The following NOL4 variants were observed in gnomAD, a reference collection of about 807,000 sequenced individuals.
NOL4 encodes the protein cancer/testis antigen 125.
A neutral mutation model predicts 75.9 loss-of-function variants in NOL4; 17 were observed. The ratio of observed to expected loss-of-function variants is 0.22; its 90% CI spans 0.15 to 0.34. The LOEUF (loss-of-function observed/expected upper bound fraction) is 0.34, where lower values mean the gene tolerates loss of function less well. NOL4 is among the 10% of genes least tolerant of loss of function. The probability of loss-of-function intolerance (pLI) is 1.00; values close to 1 mark genes in which losing one functional copy is unlikely to be tolerated. For missense variants in NOL4, 614 were observed against 793.5 expected, an observed-to-expected ratio of 0.77 and a Z score of 2.72; for synonymous variants, 292 against 289.9, an observed-to-expected ratio of 1.01 and a Z score of -0.07.
At chr18:34,040,613 G>A (rs1223999636) in intron 5 of NOL4, among the ~76,000 whole-genome samples, 1 of 152,000 alleles carries the variant, frequency 6.6e-6, no homozygotes, top group African/African-American at 2.4e-5. Context: ...GGAAATGTGA[G>A]TCTGAGATAC....
chr18:34,099,273 G>T (rs1372461892), intron 4 of NOL4, among the ~76,000 whole-genome samples: 1 of 149,794 alleles, frequency 6.7e-6, no homozygotes, highest in Non-Finnish European at 1.5e-5. Flanking sequence ...TGAGGCAGGA[G>T]AATTGCTTGA....
chr18:33,881,066 A>C (rs563066195), intron 10 of NOL4, among the ~76,000 whole-genome samples: 1 of 146,848 alleles, frequency 6.8e-6, no homozygotes, highest in Non-Finnish European at 1.5e-5. Context: ...ACAAAGCAAA[A>C]AAACACAATC....
At chr18:34,053,131 T>C (rs2145002727) in intron 5 of NOL4, among the ~76,000 whole-genome samples, 1 of 151,998 alleles carries the variant, frequency 6.6e-6, no homozygotes, top group Middle Eastern at 3.4e-3. Flanking sequence ...ACTCTTAAAA[T>C]ACTGAAGAAA....
intron 2 of NOL4, among the ~76,000 whole-genome samples, chr18:34,127,161 AG>A (rs2080424496): frequency 6.6e-6 from 1 of 151,954 alleles, no homozygotes; most frequent in African/African-American, 2.4e-5. Context: ...ATTACAATAA[AG>A]TTTAAGCTTT....
At chr18:34,111,792 C>T (rs1483828288) in intron 2 of NOL4, among the ~76,000 whole-genome samples, 1 of 152,038 alleles carries the variant, frequency 6.6e-6, no homozygotes, top group Non-Finnish European at 1.5e-5. Context: ...TGAGATATCA[C>T]CTCACACCTG....
intron 9 of NOL4, among the ~76,000 whole-genome samples, chr18:33,893,929 C>G (rs2065246250): frequency 6.6e-6 from 1 of 152,070 alleles, no homozygotes; most frequent in Non-Finnish European, 1.5e-5. Context: ...TAATGAAGGC[C>G]TCAGTTTGCC....
chr18:34,061,248 A>G (rs1305031241), intron 5 of NOL4, among the ~76,000 whole-genome samples: 1 of 152,188 alleles, frequency 6.6e-6, no homozygotes, highest in Non-Finnish European at 1.5e-5. Flanking sequence ...TATATGAAAG[A>G]TATTTGCTGA....
At chr18:33,995,495 G>A (rs188814327) in intron 6 of NOL4, among the ~76,000 whole-genome samples, 1 of 151,496 alleles carries the variant, frequency 6.6e-6, no homozygotes, top group East Asian at 1.9e-4. Flanking sequence ...TAAAAATATT[G>A]TCTCAATAGA....
At chr18:33,960,181 A>G (rs2069993923) in intron 6 of NOL4, among the ~76,000 whole-genome samples, 1 of 152,070 alleles carries the variant, frequency 6.6e-6, no homozygotes, top group African/African-American at 2.4e-5. Context: ...TCCACATATA[A>G]TAGAATCTAT....
intron 9 of NOL4, among the ~76,000 whole-genome samples, chr18:33,922,941 A>C (rs1022693604): frequency 2.6e-5 from 4 of 152,158 alleles, no homozygotes; most frequent in Non-Finnish European, 5.9e-5. Flanking sequence ...ATCCTTTTGT[A>C]ATTATTGAAA....
chr18:34,040,283 A>G (rs557637172), intron 5 of NOL4, among the ~76,000 whole-genome samples: 1 of 151,900 alleles, frequency 6.6e-6, no homozygotes, highest in East Asian at 1.9e-4. Flanking sequence ...CTCTTTATAC[A>G]TTTTGGTACT....
intron 2 of NOL4, among the ~76,000 whole-genome samples, chr18:34,120,013 C>T (rs888841559): frequency 2.0e-5 from 3 of 152,112 alleles, no homozygotes; most frequent in African/African-American, 4.8e-5. Context: ...TGGAGCCAAA[C>T]GTATTACAAA....
At chr18:34,164,566 G>T (rs1238005256) in intron 1 of NOL4, among the ~76,000 whole-genome samples, 1 of 152,134 alleles carries the variant, frequency 6.6e-6, no homozygotes, top group African/African-American at 2.4e-5. Flanking sequence ...ATTTAGAATG[G>T]CAATCATTAA....
intron 4 of NOL4, among the ~76,000 whole-genome samples, chr18:34,095,062 G>T (rs1354445288): frequency 6.6e-6 from 1 of 152,038 alleles, no homozygotes; most frequent in Non-Finnish European, 1.5e-5. Flanking sequence ...GGTGGTTTTG[G>T]CTGTGGTGTC....
chr18:34,133,683 T>C (rs1440090452), intron 1 of NOL4, among the ~76,000 whole-genome samples: 5 of 151,796 alleles, frequency 3.3e-5, no homozygotes, highest in Non-Finnish European at 5.9e-5. Flanking sequence ...TGATACCTTA[T>C]GGTGATGCAG....
intron 1 of NOL4, among the ~76,000 whole-genome samples, chr18:34,153,337 T>A (rs2081738924): frequency 6.6e-6 from 1 of 151,954 alleles, no homozygotes. Flanking sequence ...CAATGTACAT[T>A]GAGTTTCTTT....
At chr18:34,173,746 T>C (rs375380307) in intron 1 of NOL4, among the ~76,000 whole-genome samples, 10 of 152,260 alleles carry the variant, frequency 6.6e-5, no homozygotes, top group African/African-American at 2.2e-4. Flanking sequence ...GAGTGTTATA[T>C]GAATTATTGA....
chr18:33,960,954 C>G (rs2070066542), intron 6 of NOL4, among the ~76,000 whole-genome samples: 1 of 151,952 alleles, frequency 6.6e-6, no homozygotes, highest in Non-Finnish European at 1.5e-5. Flanking sequence ...TTCCCCTGAG[C>G]CAATCTAATA....
At chr18:34,034,987 G>T (rs1185450666) in intron 5 of NOL4, among the ~76,000 whole-genome samples, 1 of 151,944 alleles carries the variant, frequency 6.6e-6, no homozygotes, top group Non-Finnish European at 1.5e-5. Context: ...GATGTCTAAA[G>T]ATGGCAATAG....
Sources: gnomAD v4.1 joint callset for allele counts (sites outside exome capture counted in the v4.1 genomes callset) on GRCh38, gnomAD v4.1.1 for gene constraint, MANE v1.5 for transcripts, NCBI Gene and HGNC (gene_info 2026-07-23, HGNC 2026-07-21) for gene names.